POT1: variants seen among roughly 807,000 people sequenced by gnomAD.
POT1 encodes protection of telomeres 1, also known as protection of telomeres protein 1.
POT1 carries 47 observed loss-of-function variants against 78.5 expected under a neutral mutation model. The ratio of observed to expected loss-of-function variants is 0.60; its 90% CI spans 0.47 to 0.76. The LOEUF is 0.76. Among genes scored for constraint, POT1 ranks in the 30% least tolerant of loss-of-function variants. POT1 has a pLI of 0.00. For synonymous variants in POT1, 259 were observed against 260.7 expected, an observed-to-expected ratio of 0.99 and a Z score of 0.06; for missense variants, 646 against 749.9, an observed-to-expected ratio of 0.86 and a Z score of 1.62.
rs79663700 is a variant in POT1, at chr7:124,913,292, A to T, written c.-154+2282T>A. 9.2e-5 allele frequency among the ~76,000 whole-genome samples: 14 copies of T among 152,250 alleles called. No individual in the cohort carries two copies. The East Asian group carries it at 2.7e-3, about 29-fold the overall frequency. Reference sequence around the variant, plus strand: ...GTATTTCTTCTTTGAGGATACACTAAATCAAATCACCTATTTTTTTAATTG... The same window carrying T: ...GTATTTCTTCTTTGAGGATACACTATATCAAATCACCTATTTTTTTAATTG... On this transcript the variant is annotated intron_variant, in intron 3 of 18. Coordinates refer to ENST00000357628, the MANE Select transcript of POT1 (RefSeq NM_015450.3).
intron 3 of POT1, among the ~76,000 whole-genome samples, chr7:124,905,577 C>A (rs1199281960): frequency 1.3e-5 from 2 of 151,538 alleles, no homozygotes; most frequent in South Asian, 2.1e-4. Context: ...CAGGCATGGG[C>A]AAGAACTTCA....
chr7:124,839,065 T>C (rs146429767), intron 14 of POT1, among the ~76,000 whole-genome samples: 4 of 152,284 alleles, frequency 2.6e-5, no homozygotes, highest in Admixed American at 6.5e-5. Flanking sequence ...AATTACTATA[T>C]AGCTTTAGAA....
chr7:124,852,148 C>G (rs1284168583), intron 10 of POT1, among the ~76,000 whole-genome samples, 197 bp from the exon 11 acceptor site: 5 of 151,842 alleles, frequency 3.3e-5, no homozygotes. Context: ...TAGAAAGATA[C>G]AAGTGAAACA....
At chr7:124,902,131 A>G (rs1044867106) in intron 3 of POT1, among the ~76,000 whole-genome samples, 1 of 152,186 alleles carries the variant, frequency 6.6e-6, no homozygotes, top group Non-Finnish European at 1.5e-5. Context: ...AACTTCTCCA[A>G]TCCAGCAAGG....
At chr7:124,829,033 G>A (rs1248301178) in intron 16 of POT1, 1 of 734,788 alleles carries the variant, frequency 1.4e-6, no homozygotes. Context: ...AAAATAGTAA[G>A]GCATAGGGGA....
intron 16 of POT1, among the ~76,000 whole-genome samples, chr7:124,827,520 G>T (rs1794660927): frequency 6.6e-6 from 1 of 152,152 alleles, no homozygotes. Context: ...TGCCTGCTTG[G>T]TGTGTGGGTG....
chr7:124,879,861 C>T (rs1044518291), intron 6 of POT1, among the ~76,000 whole-genome samples: 2 of 151,798 alleles, frequency 1.3e-5, no homozygotes, highest in Non-Finnish European at 3.0e-5. Flanking sequence ...AAACAAATCC[C>T]ACAATACACA....
intron 2 of POT1, among the ~76,000 whole-genome samples, chr7:124,920,792 T>A (rs1209096165): frequency 2.0e-5 from 3 of 152,058 alleles, no homozygotes; most frequent in Admixed American, 6.6e-5. Context: ...AAGAATTCAT[T>A]AATAAAAATG....
intron 11 of POT1, chr7:124,848,667 GA>G (rs11322299): frequency 0.35 from 39,029 of 110,850 alleles, 4,280 homozygotes; most frequent in Admixed American, 0.4. Flanking sequence ...CATCTCAAAA[GA>G]AAAAAAAAAA....
chr7:124,826,004 C>T (rs1035901952), intron 17 of POT1, among the ~76,000 whole-genome samples: 3 of 152,112 alleles, frequency 2.0e-5, no homozygotes, highest in African/African-American at 7.2e-5. Flanking sequence ...CTTTCTATGT[C>T]ACACTTGATA....
intron 7 of POT1, among the ~76,000 whole-genome samples, chr7:124,864,477 T>C (rs1474220739): frequency 6.6e-6 from 1 of 152,118 alleles, no homozygotes; most frequent in East Asian, 1.9e-4. Flanking sequence ...CTTTTTTTCA[T>C]ACTTCTTGCT....
intron 5 of POT1, among the ~76,000 whole-genome samples, chr7:124,896,239 A>T (rs752465874): frequency 1.3e-5 from 2 of 151,774 alleles, no homozygotes; most frequent in Admixed American, 6.6e-5. Context: ...GCTTGATTTA[A>T]CTTACAATAC....
At position 124,847,016 on chromosome 7, in the gene POT1, CA is replaced by C. The variant is rs755201498; in HGVS notation, c.950-19del. ...TCCAGAGCCTATAAAAAGGAAAAGG[CA>C]AAAAAATTAAGTCCATTACAACTTC... On this transcript the variant is annotated intron_variant, in intron 11 of 18. Coordinates refer to ENST00000357628, the MANE Select transcript of POT1 (RefSeq NM_015450.3). 7.6e-6 allele frequency: 12 copies of C among 1,569,892 alleles called. No individual in the cohort carries two copies. Among genetic ancestry groups the C allele is most frequent in the Non-Finnish European group, 8.7e-6 (10 of 1,144,650 alleles).
Position 124,841,001 on chromosome 7 carries a change from A to T in POT1, c.1341T>A (p.Leu447=). Residue 447 remains leucine (L), a synonymous_variant, in exon 14 of 19, where the codon CTT becomes CTA. Transcript: ENST00000357628. ...CTATCAAAAGTAGACATTCATTTGAAAGCGGGAGAATACCATTATTTTTCA... is the reference window on the plus strand; with the variant it reads ...CTATCAAAAGTAGACATTCATTTGATAGCGGGAGAATACCATTATTTTTCA... The part of the protein sequence containing the change: ...HFVKNNGILP[L]SNECLLLIEG... The T allele has an allele frequency of 6.2e-7, 1 of 1,609,788 alleles. No homozygotes were observed. Among genetic ancestry groups the T allele is most frequent in the Non-Finnish European group, 8.5e-7 (1 of 1,176,868 alleles).
At chr7:124,906,870 G>A (rs1454018991) in intron 3 of POT1, among the ~76,000 whole-genome samples, 1 of 152,032 alleles carries the variant, frequency 6.6e-6, no homozygotes, top group Non-Finnish European at 1.5e-5. Flanking sequence ...CAAGTACACA[G>A]AGGATAAGAA....
chr7:124,832,534 G>T (rs1584751360), intron 15 of POT1, among the ~76,000 whole-genome samples: 2 of 152,202 alleles, frequency 1.3e-5, no homozygotes, highest in East Asian at 3.9e-4. Flanking sequence ...AACAGCCTTG[G>T]TTGGGCACAG....
At chr7:124,885,317 T>C (rs978608055) in intron 6 of POT1, among the ~76,000 whole-genome samples, 9 of 118,704 alleles carry the variant, frequency 7.6e-5, no homozygotes, top group Non-Finnish European at 1.3e-4. Flanking sequence ...AAAAAAAAGT[T>C]TTTTGATTAG....
chr7:124,870,406 A>T (rs1406408304), intron 7 of POT1, among the ~76,000 whole-genome samples: 1 of 152,114 alleles, frequency 6.6e-6, no homozygotes, highest in African/African-American at 2.4e-5. Flanking sequence ...CATAATTTTT[A>T]AAGTTCCTGT....
In POT1 at chr7:124,822,772, A is replaced by C. The variant is rs1794536597; in HGVS notation, c.*1190T>G. Reference sequence around the variant, plus strand: ...GGTAGTTAGGTAAAGAAGATGTGTTAATGTACTCAGGAACTAGAATTTAGA... The same window carrying C: ...GGTAGTTAGGTAAAGAAGATGTGTTCATGTACTCAGGAACTAGAATTTAGA... On this transcript the variant is annotated 3_prime_UTR_variant, in exon 19 of 19. Coordinates refer to ENST00000357628, the MANE Select transcript of POT1 (RefSeq NM_015450.3). 1 of 221,248 alleles carries C rather than the reference A, an allele frequency of 4.5e-6. No homozygotes were observed. Among genetic ancestry groups the C allele is most frequent in the Non-Finnish European group, 1.0e-5 (1 of 100,348 alleles). The allele number at this position is 221,248 out of a possible 1,614,324, so 13.7% of individuals were successfully genotyped here.
Sources: gnomAD v4.1 joint callset for allele counts (sites outside exome capture counted in the v4.1 genomes callset) on GRCh38, gnomAD v4.1.1 for gene constraint, MANE v1.5 for transcripts, NCBI Gene and HGNC (gene_info 2026-07-23, HGNC 2026-07-21) for gene names.